PFDN6: variants seen among roughly 807,000 people sequenced by gnomAD.
PFDN6 encodes the protein HLA class II region expressed gene KE2.
Under a neutral mutation model 19.3 loss-of-function variants are expected in PFDN6, and 5 were observed. The ratio of observed to expected loss-of-function variants is 0.26; its 90% confidence interval spans 0.14 to 0.55. The LOEUF is 0.55. PFDN6 is among the 20% of genes least tolerant of loss of function. The probability of loss-of-function intolerance (pLI) is 0.94; values close to 1 mark genes in which losing one functional copy is unlikely to be tolerated. For synonymous variants in PFDN6, 51 were observed against 63.4 expected (o/e 0.80, Z 0.93); for missense variants, 101 against 149.4 (o/e 0.68, Z 1.69).
chr6:33,289,411 C>T, upstream of PFDN6: 3 of 1,307,590 alleles, frequency 2.3e-6, no homozygotes, highest in Non-Finnish European at 2.9e-6. Context: ...AGGTCCGGAG[C>T]CAGGGGCTAA....
At chr6:33,289,226 C>T, upstream of PFDN6, 2 of 1,575,594 alleles carry the variant, frequency 1.3e-6, no homozygotes, top group South Asian at 1.1e-5. Flanking sequence ...GCCACACAGT[C>T]GGCTTGAAAA....
At chr6:33,289,551 A>G (rs1415931723), upstream of PFDN6, 9 of 875,712 alleles carry the variant, frequency 1.0e-5, no homozygotes, top group Non-Finnish European at 1.4e-5. Flanking sequence ...GGTCAGAAAG[A>G]AACTTCCGGC....
At chr6:33,290,030 G>A (rs1355513387) in intron 1 of PFDN6, 110 bp downstream of exon 1, 4 of 1,290,036 alleles carry the variant, frequency 3.1e-6, no homozygotes, top group Non-Finnish European at 4.4e-6. Context: ...AGACTTCCCC[G>A]CCTCAGTCTC....
In PFDN6 at chr6:33,289,685, G is replaced by T. The variant is rs1767116041; in HGVS notation, c.-172G>T. 2 of 577,842 alleles carry T rather than the reference G, an allele frequency of 3.5e-6. No individual in the cohort carries two copies. The highest frequency in any genetic ancestry group is 3.6e-5 in the South Asian group (1 of 28,042). 35.8% of individuals were successfully genotyped at this position (577,842 alleles called of 1,614,324 possible). On this transcript the variant is annotated 5_prime_UTR_variant, in exon 1 of 4. Transcript: ENST00000374606. ...TGCGTTTCGCCCACCATCTCCTGGG[G>T]ACAGGGTGGAGTCGATATCCGGGAC... is the stretch of plus-strand genomic sequence containing the variant.
chr6:33,290,246 T>C lies in PFDN6; in HGVS notation c.135+2T>C. ...ACAGAAAATAATATCGTGAAAGAGG[T>C]GAGGGACTGGGATTTGTGGGGCGAG... On this transcript the variant is annotated splice_donor_variant, in intron 2 of 3. Coordinates refer to ENST00000374606, the MANE Select transcript of PFDN6 (RefSeq NM_001185181.3). LOFTEE classifies it high-confidence loss of function. 1 of 1,613,828 alleles carries C rather than the reference T, an allele frequency of 6.2e-7. No individual in the cohort carries two copies. The highest frequency in any genetic ancestry group is 8.5e-7 in the Non-Finnish European group (1 of 1,179,954).
At chr6:33,290,934 C>A, downstream of PFDN6, 1 of 1,267,554 alleles carries the variant, frequency 7.9e-7, no homozygotes, top group Non-Finnish European at 1.1e-6. Context: ...AAACACCTGG[C>A]TCTGTTTCCT....
chr6:33,290,711 C>G lies in PFDN6; in HGVS notation c.261-5C>G. 6.2e-7 allele frequency: 1 copy of G among 1,613,246 alleles called. No homozygotes were observed. The highest frequency in any genetic ancestry group is 8.5e-7 in the Non-Finnish European group (1 of 1,179,752). ...TTTCTGCTTGTCTCCCTTGTCTCTC[C>G]TTAGTAAGCGATACGAATCCCAGCT... On this transcript the variant is annotated splice_region_variant and splice_polypyrimidine_tract_variant and intron_variant, in intron 3 of 3. Coordinates refer to ENST00000374606, the MANE Select transcript of PFDN6 (RefSeq NM_001185181.3).
At chr6:33,290,604 T>C (rs1767264482) in intron 3 of PFDN6, 112 bp from the exon 4 acceptor site, 5 of 1,484,002 alleles carry the variant, frequency 3.4e-6, no homozygotes, top group Middle Eastern at 1.8e-4. Context: ...CCCCTTCTTC[T>C]CCCTCCCCTG....
chr6:33,290,554 A>C, intron 3 of PFDN6, 104 bp downstream of exon 3: 1 of 1,475,134 alleles, frequency 6.8e-7, no homozygotes, highest in Non-Finnish European at 9.2e-7. Context: ...AGTGGCCCCT[A>C]GTCCTCCAGT....
Position 33,290,646 on chromosome 6 carries a change from C to T in PFDN6, c.261-70C>T, listed in dbSNP as rs936979698. 2.1e-5 allele frequency: 33 copies of T among 1,557,882 alleles called. No homozygotes were observed. In the East Asian group the frequency reaches 5.9e-4, roughly 28 times the overall value. On this transcript the variant is annotated intron_variant, in intron 3 of 3. Coordinates refer to ENST00000374606, the MANE Select transcript of PFDN6 (RefSeq NM_001185181.3). ...AAGTTTTCCACCTATCTCTTTCTTG[C>T]GTTTAGCACTCTCCATAGTGAGTCC...
chr6:33,289,703 T>A lies in PFDN6; in HGVS notation c.-154T>A, dbSNP rs1767117594. 2 of 613,204 alleles carry A rather than the reference T, an allele frequency of 3.3e-6. No homozygotes were observed. Among genetic ancestry groups the A allele is most frequent in the East Asian group, 6.1e-5 (2 of 32,666 alleles). The allele number at this position is 613,204 out of a possible 1,614,324, so 38.0% of individuals were successfully genotyped here. On this transcript the variant is annotated 5_prime_UTR_variant, in exon 1 of 4. Transcript: ENST00000374606. ...TCCTGGGGACAGGGTGGAGTCGATA[T>A]CCGGGACGGGGGGGAGGTTGCGGTG...
In PFDN6 at chr6:33,289,791, C is replaced by T; in HGVS notation, c.-66C>T. 1 of 1,321,414 alleles carries T rather than the reference C, an allele frequency of 7.6e-7. No individual in the cohort carries two copies. Among genetic ancestry groups the T allele is most frequent in the Non-Finnish European group, 1.0e-6 (1 of 955,152 alleles). The allele number at this position is 1,321,414 out of a possible 1,614,324, so 81.9% of individuals were successfully genotyped here. On this transcript the variant is annotated 5_prime_UTR_variant, in exon 1 of 4. Transcript: ENST00000374606. Reference sequence around the variant, plus strand: ...GCAGGCCAGATCAGAAAAGGGAGCTCAGGTACCTTCCAGAGAGTGAGACCC... The same window carrying T: ...GCAGGCCAGATCAGAAAAGGGAGCTTAGGTACCTTCCAGAGAGTGAGACCC...
upstream of PFDN6, chr6:33,289,211 C>T (rs1267760064): frequency 6.3e-7 from 1 of 1,588,722 alleles, no homozygotes; most frequent in Non-Finnish European, 8.6e-7. Flanking sequence ...AAACTCCTCT[C>T]AGCTGCCACA....
In PFDN6 at chr6:33,290,757, C is replaced by T; in HGVS notation, c.302C>T (p.Ser101Leu). 6.2e-7 allele frequency: 1 copy of T among 1,611,792 alleles called. No homozygotes were observed. Among genetic ancestry groups the T allele is most frequent in the South Asian group, 1.1e-5 (1 of 91,064 alleles). Residue 101 changes from serine (S) to leucine (L), a missense_variant, in exon 4 of 4, where the codon TCA becomes TTA. This residue lies in a region of PFDN6 where 47 missense variants were observed against 40.6 expected (regional missense o/e 1.16). Coordinates refer to ENST00000374606, the MANE Select transcript of PFDN6 (RefSeq NM_001185181.3). ...CAGCTTCGGGATCTTGAGCGGCAGT[C>T]AGAGCAACAGAGGGAGACCCTTGCT... ...ESQLRDLERQ[S>L]EQQRETLAQL... is the part of the protein sequence containing the mutation.
chr6:33,290,868 G>T lies in PFDN6; in HGVS notation c.*23G>T. On this transcript the variant is annotated 3_prime_UTR_variant, in exon 4 of 4. Transcript: ENST00000374606. ...TGACCCCATGGTGGGGGGAGGGGAGGGGAGGGGAGGGAATGAGGCAGCTCT... is the reference window on the plus strand; with the variant it reads ...TGACCCCATGGTGGGGGGAGGGGAGTGGAGGGGAGGGAATGAGGCAGCTCT... 2 of 1,577,596 alleles carry T rather than the reference G, an allele frequency of 1.3e-6. No individual in the cohort carries two copies. The highest frequency in any genetic ancestry group is 1.1e-5 in the South Asian group (1 of 89,080).
chr6:33,290,017 C>G, intron 1 of PFDN6, 97 bp downstream of exon 1: 1 of 1,319,304 alleles, frequency 7.6e-7, no homozygotes, highest in Non-Finnish European at 1.1e-6. Context: ...CCCTCGCGTG[C>G]AGAGACTTCC....
In PFDN6 at chr6:33,289,623, G is replaced by GACT. The variant is rs1767103776; in HGVS notation, c.-233_-232insCTA. The GACT allele has an allele frequency of 1.7e-6, 1 of 580,490 alleles. No homozygotes were observed. Among genetic ancestry groups the GACT allele is most frequent in the African/African-American group, 1.9e-5 (1 of 51,826 alleles). The allele number at this position is 580,490 out of a possible 1,614,324, so 36.0% of individuals were successfully genotyped here. ...TTTATTACTACTGAAGGAAGAACGT[G>GACT]AGTAGGTTAGGATTTCGGTTGAGAG... is the stretch of plus-strand genomic sequence containing the variant. On this transcript the variant is annotated 5_prime_UTR_variant, in exon 1 of 4. Coordinates refer to ENST00000374606, the MANE Select transcript of PFDN6 (RefSeq NM_001185181.3).
Position 33,290,887 on chromosome 6 carries a change from C to G in PFDN6, c.*42C>G. Reference sequence around the variant, plus strand: ...GGGGAGGGGAGGGGAGGGAATGAGGCAGCTCTAGGATCTATACTGTAGCTA... The same window carrying G: ...GGGGAGGGGAGGGGAGGGAATGAGGGAGCTCTAGGATCTATACTGTAGCTA... On this transcript the variant is annotated 3_prime_UTR_variant, in exon 4 of 4. Transcript: ENST00000374606. The G allele has an allele frequency of 6.5e-7, 1 of 1,538,380 alleles. No individual in the cohort carries two copies. Among genetic ancestry groups the G allele is most frequent in the South Asian group, 1.2e-5 (1 of 86,558 alleles).
In PFDN6 at chr6:33,289,653, G is replaced by T. The variant is rs919294607; in HGVS notation, c.-204G>T. 2.0e-5 allele frequency: 11 copies of T among 559,766 alleles called. No homozygotes were observed. The highest frequency in any genetic ancestry group is 4.8e-4 in the Middle Eastern group (1 of 2,094). 34.7% of individuals were successfully genotyped at this position (559,766 alleles called of 1,614,324 possible). A position where few individuals can be genotyped will look rare whatever the true frequency, so the allele number is the denominator to read the frequency against. On this transcript the variant is annotated 5_prime_UTR_variant, in exon 1 of 4. Coordinates refer to ENST00000374606, the MANE Select transcript of PFDN6 (RefSeq NM_001185181.3). ...GGTTAGGATTTCGGTTGAGAGGCTT[G>T]GGGTCTTGCGTTTCGCCCACCATCT...
Sources: gnomAD v4.1 joint callset for allele counts on GRCh38, gnomAD v4.1.1 for gene constraint, gnomAD v4.1.1 regional missense constraint, MANE v1.5 for transcripts, NCBI Gene and HGNC (gene_info 2026-07-23, HGNC 2026-07-21) for gene names.